GALNTL6: variants seen among roughly 807,000 people sequenced by gnomAD.
The protein encoded by GALNTL6 is polypeptide N-acetylgalactosaminyltransferase like 6, also known as polypeptide N-acetylgalactosaminyltransferase-like 6.
A neutral mutation model predicts 73.7 loss-of-function variants in GALNTL6; 46 were observed. The observed-to-expected ratio is 0.62, with a 90% CI of 0.49 to 0.80. The LOEUF is 0.80. GALNTL6 is among the 30% of genes least tolerant of loss of function. The pLI, the probability that GALNTL6 is intolerant of heterozygous loss-of-function variation, is 0.00. For missense variants in GALNTL6, 604 were observed against 755.0 expected, an observed-to-expected ratio of 0.80 and a Z score of 2.34; for synonymous variants, 259 against 263.7, an observed-to-expected ratio of 0.98 and a Z score of 0.17.
chr4:172,112,827 T>G (rs1732890263), intron 2 of GALNTL6, among the ~76,000 whole-genome samples: 2 of 151,856 alleles, frequency 1.3e-5, no homozygotes, highest in African/African-American at 4.8e-5. Flanking sequence ...AAGAGATTCC[T>G]TACCCTTTTA....
intron 5 of GALNTL6, among the ~76,000 whole-genome samples, chr4:172,708,794 C>A (rs750238035): frequency 6.6e-6 from 1 of 152,158 alleles, no homozygotes; most frequent in Admixed American, 6.5e-5. Context: ...CTGAACAGCA[C>A]AAAGCACATT....
chr4:172,354,325 T>A (rs1434815882), intron 5 of GALNTL6, among the ~76,000 whole-genome samples: 1 of 152,128 alleles, frequency 6.6e-6, no homozygotes, highest in African/African-American at 2.4e-5. Context: ...CAAATACTGT[T>A]TAGTAGCAGG....
chr4:172,957,988 A>C (rs1749837325), intron 10 of GALNTL6, among the ~76,000 whole-genome samples: 1 of 152,148 alleles, frequency 6.6e-6, no homozygotes, highest in South Asian at 2.1e-4. Context: ...GATTAGAGAG[A>C]TACAGTCATG....
chr4:172,497,877 A>G (rs948684598), intron 5 of GALNTL6, among the ~76,000 whole-genome samples: 10 of 152,192 alleles, frequency 6.6e-5, no homozygotes, highest in Non-Finnish European at 1.5e-5. Flanking sequence ...AAATTTTGGT[A>G]AGAAAATGCC....
chr4:172,177,780 T>G (rs1399521610), intron 2 of GALNTL6, among the ~76,000 whole-genome samples: 1 of 137,946 alleles, frequency 7.2e-6, no homozygotes. Flanking sequence ...TACACATATA[T>G]ACACATGTGT....
At chr4:172,236,276 A>C (rs1737236439) in intron 3 of GALNTL6, among the ~76,000 whole-genome samples, 1 of 152,172 alleles carries the variant, frequency 6.6e-6, no homozygotes, top group Non-Finnish European at 1.5e-5. Flanking sequence ...TCTTTATAAA[A>C]GTATATTAGC....
Position 172,873,998 on chromosome 4 carries a change from TAAG to T in GALNTL6, c.924-8786_924-8784del, listed in dbSNP as rs1745070270. Among the ~76,000 whole-genome samples the T allele has an allele frequency of 2.0e-5, 3 of 152,186 alleles. No homozygotes were observed. The South Asian group carries it at 6.2e-4, about 32-fold the overall frequency. ...CTAAGATGAAGGAGTAATGTTTTCA[TAAG>T]AAGAAACTGTCAAATGTGTATTAAA... On this transcript the variant is annotated intron_variant, in intron 7 of 12. Transcript: ENST00000506823.
At chr4:172,364,242 G>A (rs771364752) in intron 5 of GALNTL6, among the ~76,000 whole-genome samples, 1 of 152,094 alleles carries the variant, frequency 6.6e-6, no homozygotes, top group African/African-American at 2.4e-5. Flanking sequence ...GGGTAAAATA[G>A]CAAGAGTCTG....
At chr4:172,168,368 A>G (rs950652241) in intron 2 of GALNTL6, among the ~76,000 whole-genome samples, 16 of 152,262 alleles carry the variant, frequency 1.1e-4, no homozygotes, top group African/African-American at 3.6e-4. Flanking sequence ...TGTAATCTCC[A>G]TCTCCCAAGT....
intron 2 of GALNTL6, among the ~76,000 whole-genome samples, chr4:171,902,901 T>A (rs543821520): frequency 6.6e-6 from 1 of 152,336 alleles, no homozygotes; most frequent in African/African-American, 2.4e-5. Flanking sequence ...AAGGTCAATA[T>A]AGTTACTGGT....
intron 11 of GALNTL6, among the ~76,000 whole-genome samples, chr4:173,014,620 G>A (rs1311181015): frequency 2.0e-5 from 3 of 152,098 alleles, no homozygotes; most frequent in Non-Finnish European, 2.9e-5. Context: ...AAGACAGAGC[G>A]AACTGATGGG....
At chr4:172,353,712 A>C (rs886730822) in intron 5 of GALNTL6, among the ~76,000 whole-genome samples, 5 of 149,568 alleles carry the variant, frequency 3.3e-5, no homozygotes, top group African/African-American at 1.2e-4. Context: ...CAAGGAAAAA[A>C]TATTATATAT....
chr4:171,881,532 C>T (rs1297260804), intron 2 of GALNTL6, among the ~76,000 whole-genome samples: 1 of 152,150 alleles, frequency 6.6e-6, no homozygotes, highest in East Asian at 1.9e-4. Context: ...TCTGCCCTCC[C>T]CAGCCCACTG....
At chr4:171,872,933 A>C (rs1055041209) in intron 2 of GALNTL6, among the ~76,000 whole-genome samples, 3 of 152,200 alleles carry the variant, frequency 2.0e-5, no homozygotes, top group Non-Finnish European at 4.4e-5. Context: ...TGGAGCTTAC[A>C]TCCAGTAAAT....
intron 3 of GALNTL6, among the ~76,000 whole-genome samples, chr4:172,286,261 A>AT (rs1342656285): frequency 1.3e-5 from 2 of 152,042 alleles, no homozygotes; most frequent in Admixed American, 6.6e-5. Flanking sequence ...TCTTCTATTA[A>AT]TTTTTTTTAA....
At chr4:172,204,982 G>T (rs1047298489) in intron 2 of GALNTL6, among the ~76,000 whole-genome samples, 1 of 152,078 alleles carries the variant, frequency 6.6e-6, no homozygotes, top group African/African-American at 2.4e-5. Context: ...GTAGCTTATG[G>T]TCTGCATTTA....
intron 5 of GALNTL6, among the ~76,000 whole-genome samples, chr4:172,439,857 C>A (rs1579072935): frequency 6.6e-6 from 1 of 152,010 alleles, no homozygotes; most frequent in East Asian, 1.9e-4. Context: ...GTTGGTTTCC[C>A]CCATTATCAA....
chr4:172,891,575 T>G (rs1311644821), intron 8 of GALNTL6, among the ~76,000 whole-genome samples: 3 of 152,312 alleles, frequency 2.0e-5, no homozygotes, highest in Non-Finnish European at 4.4e-5. Context: ...AAGATTTATT[T>G]ATTTGCATTG....
At chr4:172,483,381 A>T (rs1210440438) in intron 5 of GALNTL6, among the ~76,000 whole-genome samples, 1 of 152,184 alleles carries the variant, frequency 6.6e-6, no homozygotes, top group Non-Finnish European at 1.5e-5. Flanking sequence ...GAAAATCGGC[A>T]GTAGAAGAGT....
Sources: gnomAD v4.1 joint callset for allele counts (sites outside exome capture counted in the v4.1 genomes callset) on GRCh38, gnomAD v4.1.1 for gene constraint, MANE v1.5 for transcripts, NCBI Gene and HGNC (gene_info 2026-07-23, HGNC 2026-07-21) for gene names.